Variants in DLC1 observed in about 807,000 individuals in gnomAD.
DLC1 encodes the protein rho GTPase-activating protein 7.
DLC1 carries 54 observed loss-of-function variants against 140.3 expected under a neutral mutation model. The observed-to-expected ratio is 0.38, with a 90% CI of 0.31 to 0.48. DLC1 has a LOEUF of 0.48. Ranked by LOEUF, DLC1 falls within the 20% of genes least tolerant of loss-of-function variation. The pLI, the probability that DLC1 is intolerant of heterozygous loss-of-function variation, is 0.96. For synonymous variants in DLC1, 986 were observed against 728.1 expected (o/e 1.35, Z -5.70); for missense variants, 2,536 against 1,907.0 (o/e 1.33, Z -6.14).
At chr8:13,205,171 G>A (rs1827594622) in intron 5 of DLC1, among the ~76,000 whole-genome samples, 1 of 152,144 alleles carries the variant, frequency 6.6e-6, no homozygotes, top group Non-Finnish European at 1.5e-5. Flanking sequence ...TCAGTCTGCA[G>A]AACAGACTAA....
At chr8:13,343,496 A>G (rs1308255781) in intron 4 of DLC1, among the ~76,000 whole-genome samples, 2 of 152,196 alleles carry the variant, frequency 1.3e-5, no homozygotes, top group Non-Finnish European at 2.9e-5. Context: ...AAATGTATTG[A>G]TTGTCTACTC....
intron 5 of DLC1, among the ~76,000 whole-genome samples, chr8:13,245,605 T>A (rs112532010): frequency 8.6e-4 from 131 of 152,320 alleles, no homozygotes; most frequent in Non-Finnish European, 1.6e-3. Flanking sequence ...GACTTTTCTT[T>A]AGGGAAATCC....
At chr8:13,164,814 T>C (rs58284460) in intron 5 of DLC1, among the ~76,000 whole-genome samples, 1,646 of 152,374 alleles carry the variant, frequency 0.011, 28 homozygotes, top group African/African-American at 0.037. Flanking sequence ...GTTTGTCAGC[T>C]CTGGCAATTC....
At chr8:13,319,398 T>A (rs1271291721) in intron 4 of DLC1, among the ~76,000 whole-genome samples, 2 of 151,364 alleles carry the variant, frequency 1.3e-5, no homozygotes, top group Non-Finnish European at 2.9e-5. Context: ...AGTGATATGG[T>A]TTGGATGTGT....
rs200710669 is a variant in DLC1 at position 13,566,103 on chromosome 8, T to TTTCTGCC, written c.-126+38427_-126+38433dup. 8.7e-3 allele frequency among the ~76,000 whole-genome samples: 1,328 copies of TTTCTGCC among 152,276 alleles called. 8 individuals are homozygous for TTTCTGCC. The highest frequency in any genetic ancestry group is 0.014 in the Non-Finnish European group (948 of 68,016). On this transcript the variant is annotated intron_variant, in intron 1 of 1. Transcript: ENST00000631382. ...ATACTAGTCGGCAACACCGACATGA[T>TTTCTGCC]TTCTGCCTTCAGCCTTCATAATCAG...
At chr8:13,308,472 G>C (rs1280882569) in intron 4 of DLC1, among the ~76,000 whole-genome samples, 1 of 152,180 alleles carries the variant, frequency 6.6e-6, no homozygotes, top group Non-Finnish European at 1.5e-5. Flanking sequence ...TCTCTAGAAA[G>C]TTGTTTATGA....
intron 2 of DLC1, among the ~76,000 whole-genome samples, chr8:13,470,293 G>C (rs376940627): frequency 1.6e-4 from 25 of 152,200 alleles, no homozygotes; most frequent in African/African-American, 5.8e-4. Flanking sequence ...AACAGATTGG[G>C]AGAAAATACT....
In DLC1 at chr8:13,534,341, T is replaced by A. The variant is rs532564490; in HGVS notation, c.-125-34145A>T. On this transcript the variant is annotated intron_variant, in intron 1 of 1. Transcript: ENST00000631382. The stretch of plus-strand genomic sequence containing the variant: ...ATAAGAACTGTATTTTCTGTTAATA[T>A]TGTATTTTTCTTTTTTCCACTTAAG... Among the ~76,000 whole-genome samples, 4 of 152,328 alleles carry A rather than the reference T, an allele frequency of 2.6e-5. No individual in the cohort carries two copies. The East Asian group carries it at 7.7e-4, about 29-fold the overall frequency.
At chr8:13,537,669 T>TTTTG (rs1803331516) in intron 1 of DLC1, among the ~76,000 whole-genome samples, 1 of 142,110 alleles carries the variant, frequency 7.0e-6, no homozygotes, top group Non-Finnish European at 1.5e-5. Context: ...TTTTTTTTTT[T>TTTTG]TTGAGACGGA....
At chr8:13,251,080 T>C (rs1025090302) in intron 5 of DLC1, among the ~76,000 whole-genome samples, 4 of 152,222 alleles carry the variant, frequency 2.6e-5, no homozygotes, top group Non-Finnish European at 4.4e-5. Context: ...TCTCCCTGGC[T>C]TATAGACAGC....
chr8:13,320,293 C>T (rs1833042370), intron 4 of DLC1, among the ~76,000 whole-genome samples: 1 of 152,222 alleles, frequency 6.6e-6, no homozygotes, highest in African/African-American at 2.4e-5. Flanking sequence ...CTTATGATTT[C>T]TGCTCTCTAT....
intron 5 of DLC1, chr8:13,276,570 C>G (rs1411332882): frequency 2.4e-6 from 3 of 1,266,378 alleles, no homozygotes; most frequent in Non-Finnish European, 3.0e-6. Flanking sequence ...TGGCCCGCGG[C>G]CAAGCGCGCG....
At chr8:13,182,637 G>A (rs1204352755) in intron 5 of DLC1, among the ~76,000 whole-genome samples, 1 of 152,132 alleles carries the variant, frequency 6.6e-6, no homozygotes, top group African/African-American at 2.4e-5. Context: ...TTGTAGATGT[G>A]TGGTGTTATT....
intron 4 of DLC1, among the ~76,000 whole-genome samples, chr8:13,306,660 G>A (rs1241908126): frequency 1.3e-5 from 2 of 151,844 alleles, no homozygotes; most frequent in African/African-American, 2.4e-5. Flanking sequence ...TCTTCATTTC[G>A]AGAAATAGCA....
chr8:13,570,697 G>T (rs950599137), intron 1 of DLC1, among the ~76,000 whole-genome samples: 77 of 152,046 alleles, frequency 5.1e-4, no homozygotes, highest in African/African-American at 1.6e-3. Flanking sequence ...GTCTATGATT[G>T]TTGGACATTT....
At chr8:13,322,877 G>A (rs1315141764) in intron 4 of DLC1, among the ~76,000 whole-genome samples, 1 of 152,014 alleles carries the variant, frequency 6.6e-6, no homozygotes, top group East Asian at 1.9e-4. Context: ...GTGATGGTAT[G>A]CGACTTCTGA....
At chr8:13,594,722 G>T (rs1805629570) in intron 1 of DLC1, among the ~76,000 whole-genome samples, 3 of 151,240 alleles carry the variant, frequency 2.0e-5, no homozygotes, top group Admixed American at 6.6e-5. Flanking sequence ...GAAAAGAATG[G>T]CTACTTCACA....
chr8:13,089,647 C>G lies in DLC1; in HGVS notation c.4074+605G>C, dbSNP rs938277737. On this transcript the variant is annotated intron_variant, in intron 15 of 17. Transcript: ENST00000276297. Reference sequence around the variant, plus strand: ...CTCAAAAAATATAAATAAATAAAAACAAAAACATCAGACATTTGCACTCAT... The same window carrying G: ...CTCAAAAAATATAAATAAATAAAAAGAAAAACATCAGACATTTGCACTCAT... 2.6e-5 allele frequency among the ~76,000 whole-genome samples: 4 copies of G among 152,192 alleles called. No individual in the cohort carries two copies. In the South Asian group the frequency reaches 8.3e-4, roughly 32 times the overall value.
chr8:13,276,341 G>C, intron 5 of DLC1: 2 of 1,528,466 alleles, frequency 1.3e-6, no homozygotes, highest in South Asian at 2.4e-5. Flanking sequence ...GATCGCTAAA[G>C]GACCTCCGGA....
Sources: gnomAD v4.1 joint callset for allele counts (sites outside exome capture counted in the v4.1 genomes callset) on GRCh38, gnomAD v4.1.1 for gene constraint, MANE v1.5 for transcripts, NCBI Gene and HGNC (gene_info 2026-07-23, HGNC 2026-07-21) for gene names.